Variants in ZNF519 observed in about 807,000 individuals in gnomAD.
ZNF519 encodes the protein similar to Zinc finger protein 85 (Zinc finger protein HPF4) (HTF1).
ZNF519 carries 7 observed loss-of-function variants against 7.4 expected under a neutral mutation model. The observed-to-expected ratio is 0.94, with a 90% CI of 0.54 to 1.77. ZNF519 has a LOEUF of 1.77. Ranked by LOEUF, ZNF519 falls within the 40% of genes most tolerant of loss-of-function variation. The probability of loss-of-function intolerance (pLI) is 0.00; values close to 1 mark genes in which losing one functional copy is unlikely to be tolerated. For missense variants in ZNF519, 586 were observed against 623.1 expected (o/e 0.94, Z 0.63); for synonymous variants, 179 against 203.3 (o/e 0.88, Z 1.02).
rs1184987292 is a variant in ZNF519 at position 14,103,923 on chromosome 18, T to A, written c.*994A>T. The A allele has an allele frequency of 3.3e-5, 5 of 151,978 alleles. No individual in the cohort carries two copies. Among genetic ancestry groups the A allele is most frequent in the Admixed American group, 1.3e-4 (2 of 15,268 alleles). 9.4% of individuals were successfully genotyped at this position (151,978 alleles called of 1,614,324 possible). A position where few individuals can be genotyped will look rare whatever the true frequency, so the allele number is the denominator to read the frequency against. ...AAAAAAATTAAGTTTACAGACTGAA[T>A]AAAGCATTTCAAAATCCAGTTTCCT... On this transcript the variant is annotated 3_prime_UTR_variant, in exon 3 of 3. Coordinates refer to ENST00000590202, the MANE Select transcript of ZNF519 (RefSeq NM_145287.4).
chr18:14,086,848 GAATC>G (rs1191822137), intron 2 of ZNF519, among the ~76,000 whole-genome samples: 2 of 152,058 alleles, frequency 1.3e-5, no homozygotes, highest in South Asian at 2.1e-4. Context: ...AATACCAGCA[GAATC>G]AATCAATCAA....
At chr18:14,122,745 A>T (rs550919890) in intron 2 of ZNF519, 2 of 150,426 alleles carry the variant, frequency 1.3e-5, no homozygotes, top group African/African-American at 4.9e-5. Context: ...CCCAAACTAC[A>T]TTTTTTTTTC....
chr18:14,082,298 T>C (rs2046073611), intron 3 of ZNF519: 1 of 152,210 alleles, frequency 6.6e-6, no homozygotes, highest in African/African-American at 2.4e-5. Context: ...TAAATTCTTA[T>C]TAAGCATGAA....
downstream of ZNF519, among the ~76,000 whole-genome samples, chr18:14,098,027 C>A (rs950177895): frequency 1.3e-5 from 2 of 152,052 alleles, no homozygotes; most frequent in African/African-American, 4.8e-5. Context: ...TCATTGATAA[C>A]CTCAATTTAT....
chr18:14,130,764 A>C (rs1407248119), intron 1 of ZNF519, among the ~76,000 whole-genome samples: 1 of 151,468 alleles, frequency 6.6e-6, no homozygotes, highest in Non-Finnish European at 1.5e-5. Flanking sequence ...GAAGACAGGA[A>C]TAGTCTATCT....
Position 14,105,177 on chromosome 18 carries a change from T to C in ZNF519, c.1363A>G (p.Thr455Ala), listed in dbSNP as rs1172467359. The change falls in exon 3 of 3, where the codon ACT (threonine) becomes GCT (alanine). Residue 455 changes from threonine (T) to alanine (A), a missense_variant. By Grantham distance (58) the Thr-to-Ala change is moderately conservative. Coordinates refer to ENST00000590202, the MANE Select transcript of ZNF519 (RefSeq NM_145287.4). ...SHLTRHQRIH[T>A]GEKSFKCEEC... ...TCACATTTGAAAGACTTCTCTCCAGTATGGATTCTTTGATGTCGAGTAAGG... is the reference window on the plus strand; with the variant it reads ...TCACATTTGAAAGACTTCTCTCCAGCATGGATTCTTTGATGTCGAGTAAGG... 1 of 1,571,598 alleles carries C rather than the reference T, an allele frequency of 6.4e-7. No homozygotes were observed. The highest frequency in any genetic ancestry group is 8.7e-7 in the Non-Finnish European group (1 of 1,145,446).
intron 3 of ZNF519, chr18:14,082,498 A>G (rs149762994): frequency 6.1e-4 from 93 of 152,296 alleles, no homozygotes; most frequent in African/African-American, 2.0e-3. Context: ...AGAACTGACA[A>G]CAGTGGTTCC....
intron 1 of ZNF519, among the ~76,000 whole-genome samples, chr18:14,131,676 A>G (rs1348883656): frequency 6.6e-6 from 1 of 152,182 alleles, no homozygotes; most frequent in Non-Finnish European, 1.5e-5. Flanking sequence ...ATTCAAGCTT[A>G]AACAACTACA....
At chr18:14,096,740 A>G (rs1004981661), downstream of ZNF519, among the ~76,000 whole-genome samples, 16 of 152,202 alleles carry the variant, frequency 1.1e-4, no homozygotes, top group African/African-American at 3.6e-4. Flanking sequence ...AAGTGAAGTT[A>G]AGTTTTGGAG....
In ZNF519 at chr18:14,101,639, G is replaced by A. The variant is rs1309385059; in HGVS notation, c.*3278C>T. On this transcript the variant is annotated 3_prime_UTR_variant, in exon 3 of 3. Coordinates refer to ENST00000590202, the MANE Select transcript of ZNF519 (RefSeq NM_145287.4). ...AGAAGGCCTTCTCAGCCATGTCTGG[G>A]CCCTGGTTATAGAGACCATCTCTAC... 2.5e-6 allele frequency: 1 copy of A among 398,338 alleles called. No individual in the cohort carries two copies. Among genetic ancestry groups the A allele is most frequent in the Non-Finnish European group, 4.4e-6 (1 of 226,052 alleles). The allele number at this position is 398,338 out of a possible 1,614,324, so 24.7% of individuals were successfully genotyped here.
chr18:14,092,130 G>C (rs530872601), intron 2 of ZNF519, among the ~76,000 whole-genome samples: 2 of 152,260 alleles, frequency 1.3e-5, no homozygotes, highest in East Asian at 3.9e-4. Context: ...TGACCTAGGG[G>C]GCAGTGGAGG....
At chr18:14,115,619 A>G (rs2046242832) in intron 2 of ZNF519, among the ~76,000 whole-genome samples, 1 of 152,210 alleles carries the variant, frequency 6.6e-6, no homozygotes, top group African/African-American at 2.4e-5. Flanking sequence ...TAATCTGCAC[A>G]TCCATATTCA....
At chr18:14,079,742 C>T (rs1183064519) in intron 3 of ZNF519, among the ~76,000 whole-genome samples, 1 of 152,094 alleles carries the variant, frequency 6.6e-6, no homozygotes, top group Non-Finnish European at 1.5e-5. Context: ...AACATCTTCA[C>T]CAAAATGAAC....
intron 2 of ZNF519, among the ~76,000 whole-genome samples, chr18:14,118,141 C>A (rs578115196): frequency 6.6e-6 from 1 of 152,246 alleles, no homozygotes; most frequent in African/African-American, 2.4e-5. Context: ...TCACTGCAAG[C>A]TCTGCCTCCT....
chr18:14,119,563 C>A (rs879711121), intron 2 of ZNF519, among the ~76,000 whole-genome samples: 2 of 152,110 alleles, frequency 1.3e-5, no homozygotes, highest in African/African-American at 2.4e-5. Context: ...AGTACAACAA[C>A]AAAAACTGTT....
At position 14,106,017 on chromosome 18, in the gene ZNF519, G is replaced by C; in HGVS notation, c.523C>G (p.His175Asp). The C allele has an allele frequency of 6.3e-7, 1 of 1,574,902 alleles. No individual in the cohort carries two copies. Among genetic ancestry groups the C allele is most frequent in the Non-Finnish European group, 8.6e-7 (1 of 1,156,548 alleles). ...CAATTGTAATAGTTTTCTAGAAAATGAGTACTATGATGTTTACTAATATTT... is the reference window on the plus strand; with the variant it reads ...CAATTGTAATAGTTTTCTAGAAAATCAGTACTATGATGTTTACTAATATTT... ...DSNISKHHST[H>D]FLENYYNCNE... The change falls in exon 3 of 3, where the codon CAT becomes GAT. Residue 175 changes from histidine (H) to aspartate (D), a missense_variant. Transcript: ENST00000590202.
chr18:14,077,954 C>G (rs1427655808), intron 4 of ZNF519, among the ~76,000 whole-genome samples: 1 of 152,128 alleles, frequency 6.6e-6, no homozygotes, highest in African/African-American at 2.4e-5. Flanking sequence ...CACCTGGGAC[C>G]CGTTCCATGG....
intron 2 of ZNF519, among the ~76,000 whole-genome samples, chr18:14,116,822 C>T (rs113497844): frequency 0.018 from 2,699 of 152,262 alleles, 85 homozygotes; most frequent in African/African-American, 0.062. Flanking sequence ...GCCTGACCAA[C>T]AGGGTGAAAC....
chr18:14,101,637 GGGCCCT>G lies in ZNF519; in HGVS notation c.*3274_*3279del, dbSNP rs755365178. On this transcript the variant is annotated 3_prime_UTR_variant, in exon 3 of 3. Transcript: ENST00000590202. ...GCAGAAGGCCTTCTCAGCCATGTCTGGGCCCTGGTTATAGAGACCATCTCTACACCC... is the reference window on the plus strand; with the variant it reads ...GCAGAAGGCCTTCTCAGCCATGTCTGGGTTATAGAGACCATCTCTACACCC... 31 of 398,392 alleles carry G rather than the reference GGGCCCT, an allele frequency of 7.8e-5. No homozygotes were observed. The highest frequency in any genetic ancestry group is 1.2e-4 in the Non-Finnish European group (28 of 226,090). 24.7% of individuals were successfully genotyped at this position (398,392 alleles called of 1,614,324 possible). A position where few individuals can be genotyped will look rare whatever the true frequency, so the allele number is the denominator to read the frequency against.
Sources: allele counts gnomAD v4.1 joint callset (sites outside exome capture counted in the v4.1 genomes callset), GRCh38; gene constraint gnomAD v4.1.1; transcripts MANE v1.5; gene names NCBI Gene and HGNC (gene_info 2026-07-23, HGNC 2026-07-21).